PHACTR2: variants seen among roughly 807,000 people sequenced by gnomAD.
PHACTR2 encodes chromosome 6 open reading frame 56.
A neutral mutation model predicts 76.0 loss-of-function variants in PHACTR2; 30 were observed. The observed-to-expected ratio is 0.39, with a 90% confidence interval of 0.30 to 0.54. PHACTR2 has a LOEUF of 0.54. Ranked by LOEUF, PHACTR2 falls within the 20% of genes least tolerant of loss-of-function variation. The pLI, the probability that PHACTR2 is intolerant of heterozygous loss-of-function variation, is 0.61. For missense variants in PHACTR2, 696 were observed against 781.1 expected (o/e 0.89, Z 1.30); for synonymous variants, 292 against 292.5 (o/e 1.00, Z 0.02).
rs1479003319 is a variant in PHACTR2 at position 143,793,093 on chromosome 6, G to A, written c.1845+4183G>A. On this transcript the variant is annotated intron_variant, in intron 11 of 12. Transcript: ENST00000440869. This position sits in a 1 kb window ranked among gnomAD's most constrained non-coding sequence, Gnocchi z 4.4. Reference sequence around the variant, plus strand: ...AACTTCAGAAAGGCAGGTAGGGCCAGATAAATGAGTAAAGATCACTGCAGT... The same window carrying A: ...AACTTCAGAAAGGCAGGTAGGGCCAAATAAATGAGTAAAGATCACTGCAGT... 6.6e-6 allele frequency among the ~76,000 whole-genome samples: 1 copy of A among 152,168 alleles called. No individual in the cohort carries two copies. Among genetic ancestry groups the A allele is most frequent in the Non-Finnish European group, 1.5e-5 (1 of 68,030 alleles).
At position 143,619,425 on chromosome 6, in the gene PHACTR2, C is replaced by T. The variant is rs756586953; in HGVS notation, c.13+11103C>T. ...TACTGTTTCGTGTGCTATTAAGATA[C>T]TTGCTTATTGCCAGTGTGAAAGCAC... On this transcript the variant is annotated intron_variant, in intron 1 of 11. Coordinates refer to the PHACTR2 transcript ENST00000305766. The surrounding 1 kb of genome is among the most constrained non-coding windows in gnomAD (Gnocchi z 4.5). 1.6e-4 allele frequency among the ~76,000 whole-genome samples: 24 copies of T among 152,248 alleles called. No homozygotes were observed. The highest frequency in any genetic ancestry group is 2.8e-4 in the Non-Finnish European group (19 of 68,046).
chr6:143,715,656 T>C (rs1426854649), intron 2 of PHACTR2, among the ~76,000 whole-genome samples: 1 of 152,152 alleles, frequency 6.6e-6, no homozygotes, highest in Non-Finnish European at 1.5e-5. Flanking sequence ...TAATAAATGC[T>C]ATGATGGACA....
At chr6:143,810,878 CT>C (rs932245430) in intron 12 of PHACTR2, among the ~76,000 whole-genome samples, 2 of 151,226 alleles carry the variant, frequency 1.3e-5, no homozygotes, top group Admixed American at 1.3e-4. Context: ...AGTTGTTTGT[CT>C]TTTATATGGA....
chr6:143,603,311 C>A (rs1359445796), upstream of PHACTR2, among the ~76,000 whole-genome samples: 1 of 151,728 alleles, frequency 6.6e-6, no homozygotes, highest in Non-Finnish European at 1.5e-5. Flanking sequence ...GTATAGGGAC[C>A]ACTGCCATGG....
intron 1 of PHACTR2, among the ~76,000 whole-genome samples, chr6:143,545,776 G>A (rs568467582): frequency 6.6e-6 from 1 of 152,204 alleles, no homozygotes; most frequent in South Asian, 2.1e-4. Context: ...ATCGCATTAT[G>A]TTTTACTCTG....
At position 143,589,277 on chromosome 6, in the gene PHACTR2, G is replaced by T. The variant is rs190419450; in HGVS notation, c.217+52070G>T. On this transcript the variant is annotated intron_variant, in intron 1 of 11. Transcript: ENST00000367584. This position sits in a 1 kb window ranked among gnomAD's most constrained non-coding sequence, Gnocchi z 4.4. The stretch of plus-strand genomic sequence containing the variant: ...TGGTGGGAGGTGATTGGATCATGGG[G>T]GTGGATTTCCCCCTTGCTGTTGTCA... Among the ~76,000 whole-genome samples the T allele has an allele frequency of 6.6e-6, 1 of 152,254 alleles. No homozygotes were observed. Among genetic ancestry groups the T allele is most frequent in the Admixed American group, 6.5e-5 (1 of 15,294 alleles).
upstream of PHACTR2, among the ~76,000 whole-genome samples, chr6:143,605,145 T>G (rs73778606): frequency 0.022 from 3,305 of 152,018 alleles, 128 homozygotes; most frequent in African/African-American, 0.074. This position sits in a 1 kb window ranked among gnomAD's most constrained non-coding sequence, Gnocchi z 5.0. Context: ...AAAACCCAGA[T>G]AGTGAGGGGT....
chr6:143,653,521 A>G lies in PHACTR2; in HGVS notation c.13+45199A>G, dbSNP rs957792965. 6.6e-6 allele frequency among the ~76,000 whole-genome samples: 1 copy of G among 152,118 alleles called. No individual in the cohort carries two copies. The highest frequency in any genetic ancestry group is 1.5e-5 in the Non-Finnish European group (1 of 68,034). ...AGTTTATTTTCGGAGAGTAGTTTAT[A>G]TATGGAATAAATGGAATAGAATTGA... On this transcript the variant is annotated intron_variant, in intron 1 of 11. Coordinates refer to the PHACTR2 transcript ENST00000305766. The surrounding 1 kb of genome is among the most constrained non-coding windows in gnomAD (Gnocchi z 4.9).
chr6:143,759,004 T>C (rs1183789176), intron 4 of PHACTR2, among the ~76,000 whole-genome samples: 1 of 152,198 alleles, frequency 6.6e-6, no homozygotes, highest in African/African-American at 2.4e-5. Context: ...TAAGGCTCGA[T>C]CTTGTCTTAA....
chr6:143,646,695 A>G lies in PHACTR2; in HGVS notation c.13+38373A>G, dbSNP rs924854004. Among the ~76,000 whole-genome samples the G allele has an allele frequency of 1.3e-5, 2 of 152,134 alleles. No individual in the cohort carries two copies. Among genetic ancestry groups the G allele is most frequent in the Non-Finnish European group, 2.9e-5 (2 of 68,018 alleles). ...CTGACCTCAGCTTTAAGTTTAACCA[A>G]ATATATAGGGGGATTTGAGACTGCT... is the stretch of plus-strand genomic sequence containing the variant. On this transcript the variant is annotated intron_variant, in intron 1 of 11. Coordinates refer to the PHACTR2 transcript ENST00000305766. The surrounding 1 kb of genome is among the most constrained non-coding windows in gnomAD (Gnocchi z 4.1).
intron 1 of PHACTR2, among the ~76,000 whole-genome samples, chr6:143,577,354 A>G (rs1205432004): frequency 2.6e-5 from 4 of 152,250 alleles, no homozygotes; most frequent in Non-Finnish European, 4.4e-5. Context: ...ACATAGGGAA[A>G]TAAAATTATG....
rs763358851 is a variant in PHACTR2 at position 143,580,838 on chromosome 6, A to T, written c.217+43631A>T. On this transcript the variant is annotated intron_variant, in intron 1 of 11. Transcript: ENST00000367584. The surrounding 1 kb of genome is among the most constrained non-coding windows in gnomAD (Gnocchi z 4.2). ...TTTGGATGGGTCACCTACACAAATG[A>T]AGTGACCCAGAATGCTGAGGGAACC... 6.6e-6 allele frequency among the ~76,000 whole-genome samples: 1 copy of T among 152,180 alleles called. No individual in the cohort carries two copies. The highest frequency in any genetic ancestry group is 1.5e-5 in the Non-Finnish European group (1 of 68,030).
In PHACTR2 at chr6:143,688,178, T is replaced by C. The variant is rs1582772574; in HGVS notation, c.46+9969T>C. ...CACAGGCAATGGGAACCACTGACGC[T>C]TTTTTTTTTTTAAATCAAACCAGAG... On this transcript the variant is annotated intron_variant, in intron 1 of 12. Coordinates refer to ENST00000440869, the MANE Select transcript of PHACTR2 (RefSeq NM_001100164.2). This position sits in a 1 kb window ranked among gnomAD's most constrained non-coding sequence, Gnocchi z 5.2. Among the ~76,000 whole-genome samples the C allele has an allele frequency of 3.2e-5, 1 of 31,066 alleles. No individual in the cohort carries two copies. Among genetic ancestry groups the C allele is most frequent in the Non-Finnish European group, 5.8e-5 (1 of 17,218 alleles). 20.4% of individuals were successfully genotyped at this position (31,066 alleles called of 152,430 possible).
Position 143,664,869 on chromosome 6 carries a change from G to C in PHACTR2, c.14-47147G>C, listed in dbSNP as rs1175640574. Among the ~76,000 whole-genome samples, 2 of 152,056 alleles carry C rather than the reference G, an allele frequency of 1.3e-5. No individual in the cohort carries two copies. The highest frequency in any genetic ancestry group is 4.8e-5 in the African/African-American group (2 of 41,364). ...GCTGGAGTGCAGTGGTGCAATCTCG[G>C]TTCACTGCAACCTCTGCCTCCCTGG... is the stretch of plus-strand genomic sequence containing the variant. On this transcript the variant is annotated intron_variant, in intron 1 of 11. Transcript: ENST00000305766. The surrounding 1 kb of genome is among the most constrained non-coding windows in gnomAD (Gnocchi z 5.1).
In PHACTR2 at chr6:143,829,156, A is replaced by G. The variant is rs1198295923; in HGVS notation, c.*5467A>G. The G allele has an allele frequency of 7.0e-6, 1 of 143,644 alleles. No individual in the cohort carries two copies. The highest frequency in any genetic ancestry group is 2.6e-5 in the African/African-American group (1 of 38,446). 8.9% of individuals were successfully genotyped at this position (143,644 alleles called of 1,614,324 possible). ...ATATATATACTTAAAGTCCCTATATATACTTAAAGGAGAGATCATACATGA... is the reference window on the plus strand; with the variant it reads ...ATATATATACTTAAAGTCCCTATATGTACTTAAAGGAGAGATCATACATGA... On this transcript the variant is annotated 3_prime_UTR_variant, in exon 13 of 13. Coordinates refer to ENST00000440869, the MANE Select transcript of PHACTR2 (RefSeq NM_001100164.2).
rs1203670328 is a variant in PHACTR2, at chr6:143,617,332, C to G, written c.13+9010C>G. On this transcript the variant is annotated intron_variant, in intron 1 of 11. Transcript: ENST00000305766. This position sits in a 1 kb window ranked among gnomAD's most constrained non-coding sequence, Gnocchi z 4.8. Reference sequence around the variant, plus strand: ...AGATTACTCTCCAGTTGAGTCTTCCCTTCCCAACCAGATTTAAAAGTCTTG... The same window carrying G: ...AGATTACTCTCCAGTTGAGTCTTCCGTTCCCAACCAGATTTAAAAGTCTTG... Among the ~76,000 whole-genome samples the G allele has an allele frequency of 6.6e-6, 1 of 152,184 alleles. No individual in the cohort carries two copies. The highest frequency in any genetic ancestry group is 1.5e-5 in the Non-Finnish European group (1 of 68,034).
chr6:143,552,281 A>C (rs1410706899), intron 1 of PHACTR2, among the ~76,000 whole-genome samples: 1 of 152,166 alleles, frequency 6.6e-6, no homozygotes, highest in East Asian at 1.9e-4. Flanking sequence ...TAAAGAATAA[A>C]AACTGAAAGG....
Position 143,791,622 on chromosome 6 carries a change from CTTAG to C in PHACTR2, c.1845+2716_1845+2719del, listed in dbSNP as rs1775691468. On this transcript the variant is annotated intron_variant, in intron 11 of 12. Transcript: ENST00000440869. The surrounding 1 kb of genome is among the most constrained non-coding windows in gnomAD (Gnocchi z 4.7). ...CTAGTTCTATTCAGATTTCTGTACC[CTTAG>C]TTATTTTTTTGTCAGTTTGATCCAT... Among the ~76,000 whole-genome samples, 6 of 151,998 alleles carry C rather than the reference CTTAG, an allele frequency of 3.9e-5. No individual in the cohort carries two copies. The highest frequency in any genetic ancestry group is 3.9e-4 in the Admixed American group (6 of 15,246).
Position 143,822,784 on chromosome 6 carries a change from G to T in PHACTR2, c.1923-890G>T, listed in dbSNP as rs891732809. Reference sequence around the variant, plus strand: ...GAAGATAACTTTTGACCTTGATCTTGAAAATGAAAACATAGATAGGAAATG... The same window carrying T: ...GAAGATAACTTTTGACCTTGATCTTTAAAATGAAAACATAGATAGGAAATG... On this transcript the variant is annotated intron_variant, in intron 12 of 12. Coordinates refer to ENST00000440869, the MANE Select transcript of PHACTR2 (RefSeq NM_001100164.2). This position sits in a 1 kb window ranked among gnomAD's most constrained non-coding sequence, Gnocchi z 5.5. Among the ~76,000 whole-genome samples the T allele has an allele frequency of 6.6e-6, 1 of 152,172 alleles. No individual in the cohort carries two copies. Among genetic ancestry groups the T allele is most frequent in the South Asian group, 2.1e-4 (1 of 4,836 alleles).
Sources: gnomAD v4.1 joint callset for allele counts (sites outside exome capture counted in the v4.1 genomes callset) on GRCh38, gnomAD v4.1.1 for gene constraint, Gnocchi (gnomAD v3.1) non-coding constraint, MANE v1.5 for transcripts, NCBI Gene and HGNC (gene_info 2026-07-23, HGNC 2026-07-21) for gene names.